The following GPC6 variants were observed in gnomAD, a reference collection of about 807,000 sequenced individuals.
GPC6 encodes the protein glypican-6.
A neutral mutation model predicts 55.2 loss-of-function variants in GPC6; 14 were observed. The observed-to-expected ratio is 0.25, with a 90% CI of 0.17 to 0.40. The LOEUF (loss-of-function observed/expected upper bound fraction) is 0.40, where lower values mean the gene tolerates loss of function less well. Ranked by LOEUF, GPC6 falls within the 10% of genes least tolerant of loss-of-function variation. The pLI is 1.00. For synonymous variants in GPC6, 278 were observed against 259.6 expected (o/e 1.07, Z -0.68); for missense variants, 641 against 708.5 (o/e 0.90, Z 1.08).
chr13:93,741,756 C>T (rs1195687502), intron 2 of GPC6, among the ~76,000 whole-genome samples: 1 of 152,134 alleles, frequency 6.6e-6, no homozygotes, highest in East Asian at 1.9e-4. Flanking sequence ...CCCCAGCACT[C>T]TTACTCTACT....
intron 4 of GPC6, among the ~76,000 whole-genome samples, chr13:94,244,560 T>G (rs1891144198): frequency 6.6e-6 from 1 of 152,168 alleles, no homozygotes; most frequent in African/African-American, 2.4e-5. Context: ...CCTTAAACAT[T>G]TATTTTGTCT....
chr13:93,512,306 G>C lies in GPC6; in HGVS notation c.161-32957G>C, dbSNP rs549179404. Reference sequence around the variant, plus strand: ...TTCCCCATTTAGTATGCTGTTAGTTGTGTGTTTGTCATATATGGCCTTTGT... The same window carrying C: ...TTCCCCATTTAGTATGCTGTTAGTTCTGTGTTTGTCATATATGGCCTTTGT... On this transcript the variant is annotated intron_variant, in intron 1 of 8. Transcript: ENST00000377047. 2.0e-5 allele frequency among the ~76,000 whole-genome samples: 3 copies of C among 152,184 alleles called. No homozygotes were observed. In the East Asian group the frequency reaches 5.8e-4, roughly 29 times the overall value.
chr13:93,519,082 T>C (rs774174255), intron 1 of GPC6, among the ~76,000 whole-genome samples: 6 of 152,016 alleles, frequency 3.9e-5, no homozygotes, highest in Non-Finnish European at 8.8e-5. Flanking sequence ...TAGTTAAAAA[T>C]ATTAAAAGCC....
chr13:93,835,039 A>G (rs1461269680), intron 3 of GPC6, among the ~76,000 whole-genome samples: 1 of 152,156 alleles, frequency 6.6e-6, no homozygotes, highest in Non-Finnish European at 1.5e-5. Context: ...CTTCATAAAG[A>G]GATATTAACA....
chr13:93,625,144 GT>G (rs150769538), intron 2 of GPC6, among the ~76,000 whole-genome samples: 68 of 151,692 alleles, frequency 4.5e-4, no homozygotes, highest in Non-Finnish European at 7.7e-4. Flanking sequence ...TTGAATGACA[GT>G]TTTTTTTTAT....
intron 4 of GPC6, among the ~76,000 whole-genome samples, chr13:94,102,492 G>A (rs376132270): frequency 2.0e-5 from 3 of 149,744 alleles, no homozygotes; most frequent in African/African-American, 7.4e-5. Context: ...ACATGGGCCT[G>A]TTTTCTGACC....
intron 4 of GPC6, among the ~76,000 whole-genome samples, chr13:94,146,448 C>A (rs938789255): frequency 6.6e-6 from 1 of 152,108 alleles, no homozygotes; most frequent in Non-Finnish European, 1.5e-5. Context: ...ATACCTTTTA[C>A]CAACTTGGGA....
intron 3 of GPC6, among the ~76,000 whole-genome samples, chr13:93,914,216 C>G (rs933639911): frequency 6.6e-6 from 1 of 152,138 alleles, no homozygotes; most frequent in Non-Finnish European, 1.5e-5. Flanking sequence ...TCCCTCCCCC[C>G]TCTCCCCACC....
intron 3 of GPC6, among the ~76,000 whole-genome samples, chr13:93,880,847 T>C (rs1018610077): frequency 7.0e-6 from 1 of 142,898 alleles, no homozygotes; most frequent in African/African-American, 2.6e-5. Flanking sequence ...ATTTAAAAAA[T>C]AAATAAATAA....
chr13:93,537,060 C>A lies in GPC6; in HGVS notation c.161-8203C>A, dbSNP rs944384138. ...GAATGAGGGATAATAATGAGTGGTGCCTGCTTAGACTTTGTGATGTGAAAG... is the reference window on the plus strand; with the variant it reads ...GAATGAGGGATAATAATGAGTGGTGACTGCTTAGACTTTGTGATGTGAAAG... On this transcript the variant is annotated intron_variant, in intron 1 of 8. Coordinates refer to ENST00000377047, the MANE Select transcript of GPC6 (RefSeq NM_005708.5). Among the ~76,000 whole-genome samples, 3 of 152,078 alleles carry A rather than the reference C, an allele frequency of 2.0e-5. No homozygotes were observed. The South Asian group carries it at 6.2e-4, about 31-fold the overall frequency.
At chr13:94,237,722 A>G (rs72645994) in intron 4 of GPC6, among the ~76,000 whole-genome samples, 2 of 151,970 alleles carry the variant, frequency 1.3e-5, no homozygotes, top group African/African-American at 4.8e-5. Context: ...GATTGTGAAT[A>G]AAAAAACGTA....
At chr13:93,453,930 C>G (rs1220981110) in intron 1 of GPC6, among the ~76,000 whole-genome samples, 1 of 152,140 alleles carries the variant, frequency 6.6e-6, no homozygotes, top group Non-Finnish European at 1.5e-5. Flanking sequence ...TGCTTTTATT[C>G]TTTTATCTGG....
intron 2 of GPC6, among the ~76,000 whole-genome samples, chr13:93,810,531 A>G (rs1048097439): frequency 6.6e-6 from 1 of 152,192 alleles, no homozygotes; most frequent in Non-Finnish European, 1.5e-5. Flanking sequence ...GAAAGGGATG[A>G]CATTTTCTTG....
rs527455101 is a variant in GPC6, at chr13:93,905,411, A to G, written c.711+74866A>G. 9.9e-5 allele frequency among the ~76,000 whole-genome samples: 15 copies of G among 152,284 alleles called. No homozygotes were observed. The East Asian group carries it at 1.9e-3, about 20-fold the overall frequency. On this transcript the variant is annotated intron_variant, in intron 3 of 8. Coordinates refer to ENST00000377047, the MANE Select transcript of GPC6 (RefSeq NM_005708.5). ...AGAAAGGTAGCTATTATTATATTTGACTAATAAGAAGTTAGTTAATTTTGC... is the reference window on the plus strand; with the variant it reads ...AGAAAGGTAGCTATTATTATATTTGGCTAATAAGAAGTTAGTTAATTTTGC...
At position 93,545,236 on chromosome 13, in the gene GPC6, A is replaced by G. The variant is rs200054961; in HGVS notation, c.161-27A>G. 3.9e-4 allele frequency: 623 copies of G among 1,596,812 alleles called. 2 individuals carry two copies. Among genetic ancestry groups the G allele is most frequent in the Admixed American group, 7.0e-4 (42 of 59,974 alleles). On this transcript the variant is annotated intron_variant, in intron 1 of 8. Transcript: ENST00000377047. ...GTCTACCAAAAGTCCTTAGAATGCA[A>G]TAGTGACATTTAACTTCTCATTGCA...
chr13:94,331,944 G>A (rs148827943), intron 6 of GPC6, among the ~76,000 whole-genome samples: 167 of 151,950 alleles, frequency 1.1e-3, no homozygotes, highest in African/African-American at 3.5e-3. Flanking sequence ...TTTTCTTCTC[G>A]TCAATAAGCG....
At chr13:93,907,843 C>G (rs1422878013) in intron 3 of GPC6, among the ~76,000 whole-genome samples, 1 of 152,086 alleles carries the variant, frequency 6.6e-6, no homozygotes, top group Non-Finnish European at 1.5e-5. Flanking sequence ...ATTGTCACTA[C>G]CTATATTGTA....
intron 3 of GPC6, among the ~76,000 whole-genome samples, chr13:93,868,202 G>A (rs981066206): frequency 2.0e-5 from 3 of 151,632 alleles, no homozygotes; most frequent in African/African-American, 7.3e-5. Flanking sequence ...CATAAACATG[G>A]ACTTCATTTA....
At chr13:93,945,294 G>C (rs1037582346) in intron 3 of GPC6, among the ~76,000 whole-genome samples, 1 of 152,088 alleles carries the variant, frequency 6.6e-6, no homozygotes, top group Non-Finnish European at 1.5e-5. Context: ...GAATGTATTC[G>C]TGGATGTAAA....
Sources: allele counts gnomAD v4.1 joint callset (sites outside exome capture counted in the v4.1 genomes callset), GRCh38; gene constraint gnomAD v4.1.1; transcripts MANE v1.5; gene names NCBI Gene and HGNC (gene_info 2026-07-23, HGNC 2026-07-21).